ZNF148: variants seen among roughly 807,000 people sequenced by gnomAD.
ZNF148 encodes the protein Beta-Enolase Repressor Factor-1.
Under a neutral mutation model 67.7 loss-of-function variants are expected in ZNF148, and 7 were observed. That is an observed-to-expected ratio of 0.10 (90% CI 0.06 to 0.19). ZNF148 has a LOEUF of 0.19. Among genes scored for constraint, ZNF148 ranks in the 10% least tolerant of loss-of-function variants. ZNF148 has a pLI of 1.00. For missense variants in ZNF148, 583 were observed against 947.1 expected (o/e 0.62, Z 5.05); for synonymous variants, 333 against 330.7 (o/e 1.01, Z -0.08).
chr3:125,294,418 T>C (rs1272114589), intron 4 of ZNF148, among the ~76,000 whole-genome samples: 1 of 152,170 alleles, frequency 6.6e-6, no homozygotes, highest in East Asian at 1.9e-4. Flanking sequence ...GTTACATAAG[T>C]TTTAACATTA....
intron 7 of ZNF148, among the ~76,000 whole-genome samples, chr3:125,246,889 A>G (rs1936623836): frequency 6.6e-6 from 1 of 152,202 alleles, no homozygotes; most frequent in Non-Finnish European, 1.5e-5. Flanking sequence ...AAAATATCAG[A>G]ATATCTTTGG....
At chr3:125,333,938 A>G (rs1401128483) in intron 1 of ZNF148, among the ~76,000 whole-genome samples, 3 of 152,222 alleles carry the variant, frequency 2.0e-5, no homozygotes, top group Non-Finnish European at 4.4e-5. Flanking sequence ...GTTTTATTGT[A>G]TCTATGCTAT....
rs1935942858 is a variant in ZNF148, at chr3:125,233,412, T to A, written c.1314A>T (p.Ser438=). 1 of 1,614,012 alleles carries A rather than the reference T, an allele frequency of 6.2e-7. No homozygotes were observed. Among genetic ancestry groups the A allele is most frequent in the Non-Finnish European group, 8.5e-7 (1 of 1,179,946 alleles). The stretch of plus-strand genomic sequence containing the variant: ...CCTGATCAATGTCAGCATTGCCTTC[T>A]GAGTCCAGTAAAGCCTGTTTATCCA... ...ELVDKQALLD[S]EGNADIDQVD... is the part of the protein sequence containing the mutation. Residue 438 remains serine (S), a synonymous_variant, in exon 9 of 9, where the codon TCA becomes TCT. Transcript: ENST00000360647. This position sits in a 1 kb window ranked among gnomAD's most constrained non-coding sequence, Gnocchi z 5.1.
intron 1 of ZNF148, among the ~76,000 whole-genome samples, chr3:125,341,705 T>G (rs1159479996): frequency 6.6e-6 from 1 of 151,964 alleles, no homozygotes; most frequent in Non-Finnish European, 1.5e-5. Flanking sequence ...AATAAAAACA[T>G]AGAGATGGGC....
In ZNF148 at chr3:125,282,172, A is replaced by G. The variant is rs139332455; in HGVS notation, c.460-2925T>C. Among the ~76,000 whole-genome samples the G allele has an allele frequency of 9.2e-5, 14 of 152,278 alleles. No individual in the cohort carries two copies. The East Asian group carries it at 2.7e-3, about 29-fold the overall frequency. ...GGGTAGGCAAAGAATAAAATCCCTT[A>G]GCAGAACACAAATAGCACACTAACG... On this transcript the variant is annotated intron_variant, in intron 5 of 8. Transcript: ENST00000360647.
intron 7 of ZNF148, among the ~76,000 whole-genome samples, chr3:125,253,739 T>C (rs892086092): frequency 2.0e-5 from 3 of 152,202 alleles, no homozygotes; most frequent in Non-Finnish European, 4.4e-5. Flanking sequence ...TATGTGAATA[T>C]TAAGCCAGTT....
chr3:125,319,585 T>C (rs1304515632), intron 3 of ZNF148, among the ~76,000 whole-genome samples: 1 of 152,222 alleles, frequency 6.6e-6, no homozygotes, highest in African/African-American at 2.4e-5. Context: ...TCCAAATTAA[T>C]ATGTTTATGT....
intron 7 of ZNF148, among the ~76,000 whole-genome samples, chr3:125,245,631 C>T (rs1284220804): frequency 2.0e-5 from 3 of 152,142 alleles, no homozygotes; most frequent in African/African-American, 2.4e-5. Flanking sequence ...ATCCTCTCTC[C>T]ATATTTGGAC....
chr3:125,321,411 ACT>A (rs1380392567), intron 3 of ZNF148, among the ~76,000 whole-genome samples: 2 of 136,020 alleles, frequency 1.5e-5, no homozygotes, highest in Admixed American at 7.2e-5. Flanking sequence ...TTTAAAAAAA[ACT>A]CTATTTTTTC....
At chr3:125,236,710 G>A (rs918779782) in intron 7 of ZNF148, among the ~76,000 whole-genome samples, 1 of 152,160 alleles carries the variant, frequency 6.6e-6, no homozygotes, top group Admixed American at 6.5e-5. Flanking sequence ...AGCGTTTCCC[G>A]TGGCTTTTGA....
At chr3:125,239,040 C>T (rs973821750) in intron 7 of ZNF148, among the ~76,000 whole-genome samples, 21 of 152,190 alleles carry the variant, frequency 1.4e-4, no homozygotes, top group South Asian at 4.2e-4. Context: ...TGCTTATATG[C>T]GGTATCTAGA....
intron 1 of ZNF148, among the ~76,000 whole-genome samples, chr3:125,339,671 A>G (rs983384665): frequency 5.3e-5 from 8 of 152,216 alleles, no homozygotes; most frequent in African/African-American, 1.9e-4. Context: ...CTAAAATAAT[A>G]TAATTGGATT....
chr3:125,232,318 T>G lies in ZNF148; in HGVS notation c.*23A>C, dbSNP rs1346540745. 1 of 1,558,430 alleles carries G rather than the reference T, an allele frequency of 6.4e-7. No homozygotes were observed. Among genetic ancestry groups the G allele is most frequent in the East Asian group, 2.3e-5 (1 of 44,012 alleles). ...ATTAATCTGTTCTAAAGTGCCAGTATTATTTACACTTTTTTTTTTTTTTTA... is the reference window on the plus strand; with the variant it reads ...ATTAATCTGTTCTAAAGTGCCAGTAGTATTTACACTTTTTTTTTTTTTTTA... On this transcript the variant is annotated 3_prime_UTR_variant, in exon 9 of 9. Coordinates refer to ENST00000360647, the MANE Select transcript of ZNF148 (RefSeq NM_021964.3). The surrounding 1 kb of genome is among the most constrained non-coding windows in gnomAD (Gnocchi z 4.2).
At chr3:125,367,102 C>T (rs1559786606) in intron 1 of ZNF148, among the ~76,000 whole-genome samples, 1 of 152,156 alleles carries the variant, frequency 6.6e-6, no homozygotes, top group African/African-American at 2.4e-5. Context: ...TTGCATATAA[C>T]AAATGTGCAT....
chr3:125,347,846 T>C (rs952496580), intron 1 of ZNF148, among the ~76,000 whole-genome samples: 2 of 152,150 alleles, frequency 1.3e-5, no homozygotes, highest in African/African-American at 2.4e-5. Context: ...AACCAATTTT[T>C]TGACACCAAG....
chr3:125,270,385 T>C (rs948617659), intron 7 of ZNF148, among the ~76,000 whole-genome samples: 2 of 151,236 alleles, frequency 1.3e-5, no homozygotes, highest in Admixed American at 6.6e-5. Context: ...TACCCAGGCA[T>C]GGTGGTGTGC....
At chr3:125,273,495 G>T (rs1331135507) in intron 7 of ZNF148, among the ~76,000 whole-genome samples, 1 of 125,444 alleles carries the variant, frequency 8.0e-6, no homozygotes, top group Non-Finnish European at 1.6e-5. Flanking sequence ...TTTGGGAAGA[G>T]AATCTTTTTT....
intron 1 of ZNF148, among the ~76,000 whole-genome samples, chr3:125,349,150 G>A (rs564127002): frequency 2.8e-4 from 43 of 152,294 alleles, no homozygotes; most frequent in African/African-American, 1.0e-3. Flanking sequence ...AAACATGGGA[G>A]AAAAGCTTCA....
chr3:125,236,302 C>T (rs924976154), intron 7 of ZNF148, among the ~76,000 whole-genome samples: 7 of 152,102 alleles, frequency 4.6e-5, no homozygotes, highest in Non-Finnish European at 8.8e-5. Flanking sequence ...CTCAAGCAAT[C>T]CTCCTCCTGC....
Sources: gnomAD v4.1 joint callset for allele counts (sites outside exome capture counted in the v4.1 genomes callset) on GRCh38, gnomAD v4.1.1 for gene constraint, Gnocchi (gnomAD v3.1) non-coding constraint, MANE v1.5 for transcripts, NCBI Gene and HGNC (gene_info 2026-07-23, HGNC 2026-07-21) for gene names.